B3GALT1: variants seen among roughly 807,000 people sequenced by gnomAD.
B3GALT1 encodes the protein UDP-Gal:betaGlcNAc beta 1,3-galactosyltransferase, polypeptide 1.
In B3GALT1, 10 loss-of-function variants were observed where a neutral mutation model predicts 23.2. The ratio of observed to expected loss-of-function variants is 0.43; its 90% CI spans 0.27 to 0.73. The LOEUF is 0.73. Among genes scored for constraint, B3GALT1 ranks in the 30% least tolerant of loss-of-function variants. The pLI, the probability that B3GALT1 is intolerant of heterozygous loss-of-function variation, is 0.21. For synonymous variants in B3GALT1, 156 were observed against 141.5 expected, an observed-to-expected ratio of 1.10 and a Z score of -0.73; for missense variants, 299 against 405.4, an observed-to-expected ratio of 0.74 and a Z score of 2.25.
intron 1 of B3GALT1, among the ~76,000 whole-genome samples, chr2:167,405,858 A>G (rs189715673): frequency 4.6e-5 from 7 of 152,320 alleles, no homozygotes; most frequent in African/African-American, 1.4e-4. Flanking sequence ...AAAAAGTCAT[A>G]GAGAATTATA....
At chr2:167,511,982 C>T (rs1700011553) in intron 2 of B3GALT1, among the ~76,000 whole-genome samples, 2 of 152,106 alleles carry the variant, frequency 1.3e-5, no homozygotes, top group Non-Finnish European at 2.9e-5. Flanking sequence ...TTGGGGCTCA[C>T]ATTCTGACAA....
rs544667836 is a variant in B3GALT1 at position 167,513,068 on chromosome 2, CAAAA to C, written c.-410+22811_-410+22814del. On this transcript the variant is annotated intron_variant, in intron 2 of 4. Transcript: ENST00000392690. ...CACTATATATGGGGTATTCATGCCA[CAAAA>C]AAAAAAAAAAAAAAAAAAAGTGGAA... Among the ~76,000 whole-genome samples, 33 of 72,538 alleles carry C rather than the reference CAAAA, an allele frequency of 4.5e-4. No homozygotes were observed. The South Asian group carries it at 9.5e-3, about 21-fold the overall frequency. 47.6% of individuals were successfully genotyped at this position (72,538 alleles called of 152,430 possible). A position where few individuals can be genotyped will look rare whatever the true frequency, so the allele number is the denominator to read the frequency against.
At chr2:167,588,860 T>C (rs1032135726) in intron 2 of B3GALT1, among the ~76,000 whole-genome samples, 1 of 142,970 alleles carries the variant, frequency 7.0e-6, no homozygotes, top group African/African-American at 2.7e-5. Flanking sequence ...CTTCCTTCCT[T>C]CCTTCTTTCC....
intron 1 of B3GALT1, among the ~76,000 whole-genome samples, chr2:167,320,870 A>G (rs1410208322): frequency 6.6e-6 from 1 of 152,148 alleles, no homozygotes; most frequent in Non-Finnish European, 1.5e-5. Context: ...AGTTAAAAGG[A>G]AAATTTCTAA....
At chr2:167,775,253 A>G (rs1688140884) in intron 3 of B3GALT1, among the ~76,000 whole-genome samples, 1 of 152,212 alleles carries the variant, frequency 6.6e-6, no homozygotes, top group Non-Finnish European at 1.5e-5. Context: ...CATATATTTC[A>G]TGCAATAAAA....
At chr2:167,334,266 A>G (rs1252379476) in intron 1 of B3GALT1, among the ~76,000 whole-genome samples, 2 of 152,200 alleles carry the variant, frequency 1.3e-5, no homozygotes, top group Non-Finnish European at 1.5e-5. Context: ...TAAGATTAGT[A>G]TGGATGGAAA....
intron 1 of B3GALT1, among the ~76,000 whole-genome samples, chr2:167,456,936 C>T (rs1323555864): frequency 2.0e-5 from 3 of 152,082 alleles, no homozygotes; most frequent in African/African-American, 7.2e-5. Context: ...AAACTCCACC[C>T]CCTCCTTCGC....
chr2:167,782,157 A>G (rs1280456527), intron 3 of B3GALT1, among the ~76,000 whole-genome samples: 1 of 152,218 alleles, frequency 6.6e-6, no homozygotes, highest in African/African-American at 2.4e-5. Flanking sequence ...CACTGTGTCC[A>G]GGATGCAGGG....
intron 3 of B3GALT1, among the ~76,000 whole-genome samples, chr2:167,699,781 C>T (rs981587706): frequency 1.3e-5 from 2 of 152,192 alleles, no homozygotes; most frequent in South Asian, 4.2e-4. Context: ...GATGCGATCT[C>T]GGCTCACTAC....
chr2:167,513,068 CAAA>C (rs544667836), intron 2 of B3GALT1, among the ~76,000 whole-genome samples: 55 of 72,540 alleles, frequency 7.6e-4, no homozygotes, highest in African/African-American at 1.4e-3. Context: ...ATTCATGCCA[CAAA>C]AAAAAAAAAA....
At chr2:167,594,140 A>G (rs1684734110) in intron 2 of B3GALT1, among the ~76,000 whole-genome samples, 1 of 152,182 alleles carries the variant, frequency 6.6e-6, no homozygotes, top group African/African-American at 2.4e-5. Flanking sequence ...AGGGTGCAAT[A>G]TATTAATAGT....
chr2:167,404,484 T>C (rs929983618), intron 1 of B3GALT1, among the ~76,000 whole-genome samples: 5 of 152,178 alleles, frequency 3.3e-5, no homozygotes, highest in Admixed American at 2.0e-4. Context: ...CAGGTTGTAG[T>C]GTTTTGGGCT....
chr2:167,639,379 A>G (rs1333369872), intron 2 of B3GALT1, among the ~76,000 whole-genome samples: 1 of 151,982 alleles, frequency 6.6e-6, no homozygotes, highest in Non-Finnish European at 1.5e-5. Flanking sequence ...ATGAGTTTGT[A>G]TTCTTAATCT....
intron 3 of B3GALT1, among the ~76,000 whole-genome samples, chr2:167,804,440 T>A (rs935375251): frequency 6.6e-6 from 1 of 152,132 alleles, no homozygotes; most frequent in Non-Finnish European, 1.5e-5. Context: ...ACTCGTCTTT[T>A]AACATTAGGT....
chr2:167,382,105 T>C (rs1209722928), intron 1 of B3GALT1, among the ~76,000 whole-genome samples: 2 of 152,196 alleles, frequency 1.3e-5, no homozygotes, highest in Non-Finnish European at 1.5e-5. Flanking sequence ...ATGCAGGATG[T>C]AATTTTCCTG....
rs1034673379 is a variant in B3GALT1, at chr2:167,755,502, A to G, written c.-351-63170A>G. The stretch of plus-strand genomic sequence containing the variant: ...CCTCCCTTCCTCACCCCTCCAATCA[A>G]TGAGGGGTGAGGAAGGGAGGCAGGA... On this transcript the variant is annotated intron_variant, in intron 3 of 4. Transcript: ENST00000392690. Among the ~76,000 whole-genome samples, 2 of 145,682 alleles carry G rather than the reference A, an allele frequency of 1.4e-5. 1 individual carries two copies. The highest frequency in any genetic ancestry group is 4.5e-4 in the South Asian group (2 of 4,466).
At chr2:167,774,008 A>C (rs1350478010) in intron 3 of B3GALT1, among the ~76,000 whole-genome samples, 1 of 152,264 alleles carries the variant, frequency 6.6e-6, no homozygotes, top group African/African-American at 2.4e-5. Context: ...CAGATATTCC[A>C]ACTGAAGTGG....
intron 3 of B3GALT1, among the ~76,000 whole-genome samples, chr2:167,797,911 A>G (rs988813382): frequency 6.6e-6 from 1 of 152,058 alleles, no homozygotes; most frequent in Non-Finnish European, 1.5e-5. Flanking sequence ...TCACCACGTT[A>G]GCCAGGATGG....
chr2:167,591,788 G>T (rs1217345177), intron 2 of B3GALT1, among the ~76,000 whole-genome samples: 2 of 151,896 alleles, frequency 1.3e-5, no homozygotes. Context: ...TGTTTTTGTT[G>T]TTGTTGTTGT....
Sources: gnomAD v4.1 joint callset for allele counts (sites outside exome capture counted in the v4.1 genomes callset) on GRCh38, gnomAD v4.1.1 for gene constraint, MANE v1.5 for transcripts, NCBI Gene and HGNC (gene_info 2026-07-23, HGNC 2026-07-21) for gene names.